Variants in ARHGAP1 observed in about 807,000 individuals in gnomAD.
The protein encoded by ARHGAP1 is Rho GTPase activating protein 1.
In ARHGAP1, 23 loss-of-function variants were observed where a neutral mutation model predicts 52.2. That is an observed-to-expected ratio of 0.44 (90% CI 0.32 to 0.62). The LOEUF (loss-of-function observed/expected upper bound fraction) is 0.62. Ranked by LOEUF, ARHGAP1 falls within the 20% of genes least tolerant of loss-of-function variation. The probability of loss-of-function intolerance (pLI) is 0.05; values close to 1 mark genes in which losing one functional copy is unlikely to be tolerated. For synonymous variants in ARHGAP1, 210 were observed against 228.4 expected (o/e 0.92, Z 0.73); for missense variants, 480 against 560.9 (o/e 0.86, Z 1.46).
In ARHGAP1 at chr11:46,683,195, C is replaced by T. The variant is rs551742708; in HGVS notation, c.318-1013G>A. On this transcript the variant is annotated intron_variant, in intron 4 of 12. Transcript: ENST00000311956. ...TAGGAACCGCAGGTGTGAGCCACCACACCCGGCTCTTTTTTCTACTTTTTA... is the reference window on the plus strand; with the variant it reads ...TAGGAACCGCAGGTGTGAGCCACCATACCCGGCTCTTTTTTCTACTTTTTA... 3.9e-5 allele frequency among the ~76,000 whole-genome samples: 6 copies of T among 152,190 alleles called. No homozygotes were observed. The South Asian group carries it at 1.0e-3, about 26-fold the overall frequency.
Position 46,680,560 on chromosome 11 carries a change from G to C in ARHGAP1, c.747C>G (p.Leu249=). ...NQQFGVSLQH[L]QEKNPEQEPI... ...GCTCCTGCTCTGGATTCTTCTCCTG[G>C]AGGCTGCGGGAAAAAGGCTGGTGAG... The change falls in exon 9 of 13, where the codon CTC becomes CTG. Residue 249 remains leucine, a synonymous_variant. Transcript: ENST00000311956. This position sits in a 1 kb window ranked among gnomAD's most constrained non-coding sequence, Gnocchi z 5.9. 6.2e-7 allele frequency: 1 copy of C among 1,614,078 alleles called. No individual in the cohort carries two copies. The highest frequency in any genetic ancestry group is 8.5e-7 in the Non-Finnish European group (1 of 1,179,984).
At position 46,679,781 on chromosome 11, in the gene ARHGAP1, G is replaced by A; in HGVS notation, c.899-5C>T. On this transcript the variant is annotated splice_region_variant and splice_polypyrimidine_tract_variant and intron_variant, in intron 10 of 12. Transcript: ENST00000311956. This position sits in a 1 kb window ranked among gnomAD's most constrained non-coding sequence, Gnocchi z 4.4. ...GGTCGAAATCCACAGGCAGCCCTGG[G>A]GTGGGGGCAGCGTGAGAGAAGCTCG... 1 of 1,613,150 alleles carries A rather than the reference G, an allele frequency of 6.2e-7. No homozygotes were observed. Among genetic ancestry groups the A allele is most frequent in the East Asian group, 2.2e-5 (1 of 44,886 alleles).
At chr11:46,692,719 G>A (rs1648702713) in intron 3 of ARHGAP1, among the ~76,000 whole-genome samples, 2 of 151,934 alleles carry the variant, frequency 1.3e-5, no homozygotes, top group South Asian at 4.2e-4. Context: ...AGACAGTCTC[G>A]CTCTGTCGCT....
At chr11:46,699,480 G>A (rs2064682345) in intron 1 of ARHGAP1, among the ~76,000 whole-genome samples, 1 of 151,572 alleles carries the variant, frequency 6.6e-6, no homozygotes. Flanking sequence ...CGAGGCGGGC[G>A]GATCACAAGG....
chr11:46,689,618 G>A (rs1448335904), intron 3 of ARHGAP1, among the ~76,000 whole-genome samples: 2 of 152,174 alleles, frequency 1.3e-5, no homozygotes, highest in East Asian at 3.9e-4. Flanking sequence ...TTGTCTCACT[G>A]CAACCTCCAC....
Position 46,695,630 on chromosome 11 carries a change from G to A in ARHGAP1, c.229+30C>T, listed in dbSNP as rs7925849. ...ACTTCCTGAGGCCAGGAGCTCTGAG[G>A]GTTAGGAAAATAGTGTTGGGTGTGC... On this transcript the variant is annotated intron_variant, in intron 3 of 12. Coordinates refer to ENST00000311956, the MANE Select transcript of ARHGAP1 (RefSeq NM_004308.5). 2.7e-3 allele frequency: 4,235 copies of A among 1,547,162 alleles called. 8 individuals are homozygous for A. Among genetic ancestry groups the A allele is most frequent in the Non-Finnish European group, 3.2e-3 (3,652 of 1,142,880 alleles).
intron 1 of ARHGAP1, among the ~76,000 whole-genome samples, chr11:46,698,290 G>C (rs1421488798): frequency 6.6e-6 from 1 of 152,180 alleles, no homozygotes; most frequent in Non-Finnish European, 1.5e-5. Context: ...TTGTGCTGCA[G>C]TGAACAACAG....
chr11:46,682,071 G>A lies in ARHGAP1; in HGVS notation c.429C>T (p.Ala143=). ...CCCACTTGCGGTCAAACTCCCGGTAGGCATCACGGAGCCAGCTGAGGGAGG... is the reference window on the plus strand; with the variant it reads ...CCCACTTGCGGTCAAACTCCCGGTAAGCATCACGGAGCCAGCTGAGGGAGG... ...NKPSLSWLRD[A]YREFDRKYKK... Residue 143 remains alanine (A), a synonymous_variant, in exon 5 of 13, where the codon GCC becomes GCT. Coordinates refer to ENST00000311956, the MANE Select transcript of ARHGAP1 (RefSeq NM_004308.5). 6.2e-7 allele frequency: 1 copy of A among 1,614,154 alleles called. No homozygotes were observed. Among genetic ancestry groups the A allele is most frequent in the Non-Finnish European group, 8.5e-7 (1 of 1,179,998 alleles).
At position 46,680,795 on chromosome 11, in the gene ARHGAP1, C is replaced by A; in HGVS notation, c.636-48G>T. 1 of 1,392,680 alleles carries A rather than the reference C, an allele frequency of 7.2e-7. No individual in the cohort carries two copies. The highest frequency in any genetic ancestry group is 1.4e-5 in the South Asian group (1 of 73,918). 86.3% of individuals were successfully genotyped at this position (1,392,680 alleles called of 1,614,324 possible). A position where few individuals can be genotyped will look rare whatever the true frequency, so the allele number is the denominator to read the frequency against. ...GTCAGGTCCTGCCTGGCTCTGGAGT[C>A]ACTCTGCCAATTCAATCAAGCATTG... On this transcript the variant is annotated intron_variant, in intron 7 of 12. Transcript: ENST00000311956. The surrounding 1 kb of genome is among the most constrained non-coding windows in gnomAD (Gnocchi z 5.9).
In ARHGAP1 at chr11:46,696,466, G is replaced by A. The variant is rs2064655780; in HGVS notation, c.-49-310C>T. Among the ~76,000 whole-genome samples, 1 of 152,196 alleles carries A rather than the reference G, an allele frequency of 6.6e-6. No homozygotes were observed. The highest frequency in any genetic ancestry group is 1.5e-5 in the Non-Finnish European group (1 of 68,032). On this transcript the variant is annotated intron_variant, in intron 1 of 12. Coordinates refer to ENST00000311956, the MANE Select transcript of ARHGAP1 (RefSeq NM_004308.5). This position sits in a 1 kb window ranked among gnomAD's most constrained non-coding sequence, Gnocchi z 4.8. ...CCGCCCGCCACCCAGCTGGCTCAGT[G>A]ATGCAGTCCCAGCTGTAGAGGGCAG...
chr11:46,693,552 C>T (rs2064630552), intron 3 of ARHGAP1, among the ~76,000 whole-genome samples: 3 of 152,036 alleles, frequency 2.0e-5, no homozygotes, highest in Admixed American at 2.0e-4. Flanking sequence ...ACTACAGGCA[C>T]AGGCTACCAC....
chr11:46,693,953 G>C (rs926354114), intron 3 of ARHGAP1, among the ~76,000 whole-genome samples: 1 of 152,212 alleles, frequency 6.6e-6, no homozygotes, highest in Non-Finnish European at 1.5e-5. Context: ...CACTGGGACT[G>C]AGCCAAATCT....
At chr11:46,693,556 C>T (rs1320603877) in intron 3 of ARHGAP1, among the ~76,000 whole-genome samples, 1 of 152,202 alleles carries the variant, frequency 6.6e-6, no homozygotes, top group East Asian at 1.9e-4. Flanking sequence ...CAGGCACAGG[C>T]TACCACACCT....
At position 46,682,182 on chromosome 11, in the gene ARHGAP1, C is replaced by T. The variant is rs1460158986; in HGVS notation, c.318G>A (p.Gly106=). 1 of 1,614,012 alleles carries T rather than the reference C, an allele frequency of 6.2e-7. No homozygotes were observed. Residue 106 remains glycine, a splice_region_variant and synonymous_variant, in exon 5 of 13, where the codon GGG becomes GGA. Transcript: ENST00000311956. Reference sequence around the variant, plus strand: ...ACTGGTCCAGGGTGTGCTTCAGGTACCTTCCAGGGAAAAGCCCTGCTCAGG... The same window carrying T: ...ACTGGTCCAGGGTGTGCTTCAGGTATCTTCCAGGGAAAAGCCCTGCTCAGG... ...SHQLDHSKLL[G]YLKHTLDQYV...
chr11:46,679,639 G>T lies in ARHGAP1; in HGVS notation c.1027+9C>A, dbSNP rs375751904. On this transcript the variant is annotated intron_variant, in intron 11 of 12. Transcript: ENST00000311956. The surrounding 1 kb of genome is among the most constrained non-coding windows in gnomAD (Gnocchi z 4.4). Reference sequence around the variant, plus strand: ...AGCCCCAGGCCCAACAGAAGAGATGGGGACTCACTGAGGAAGCCCACCACA... The same window carrying T: ...AGCCCCAGGCCCAACAGAAGAGATGTGGACTCACTGAGGAAGCCCACCACA... The T allele has an allele frequency of 1.2e-6, 2 of 1,613,828 alleles. No homozygotes were observed. Among genetic ancestry groups the T allele is most frequent in the Non-Finnish European group, 1.7e-6 (2 of 1,179,976 alleles).
chr11:46,687,103 A>G (rs1446263073), intron 4 of ARHGAP1: 1 of 152,266 alleles, frequency 6.6e-6, no homozygotes, highest in Admixed American at 6.5e-5. Context: ...GGAGGCTGTC[A>G]CCTGGTACAT....
Position 46,678,841 on chromosome 11 carries a change from G to A in ARHGAP1, c.*196C>T, listed in dbSNP as rs2064500838. ...GGTGTCCAGAGAGGCAGTGAGAAGT[G>A]TAAGGCAGAGAAAAACGTCTTCTGG... is the stretch of plus-strand genomic sequence containing the variant. On this transcript the variant is annotated 3_prime_UTR_variant, in exon 13 of 13. Coordinates refer to ENST00000311956, the MANE Select transcript of ARHGAP1 (RefSeq NM_004308.5). 1 of 631,372 alleles carries A rather than the reference G, an allele frequency of 1.6e-6. No homozygotes were observed. The highest frequency in any genetic ancestry group is 2.7e-6 in the Non-Finnish European group (1 of 366,494). The allele number at this position is 631,372 out of a possible 1,614,324, so 39.1% of individuals were successfully genotyped here.
Position 46,696,659 on chromosome 11 carries a change from A to G in ARHGAP1, c.-49-503T>C, listed in dbSNP as rs1235992237. Among the ~76,000 whole-genome samples the G allele has an allele frequency of 2.6e-5, 4 of 152,204 alleles. No individual in the cohort carries two copies. Among genetic ancestry groups the G allele is most frequent in the Non-Finnish European group, 5.9e-5 (4 of 68,034 alleles). Reference sequence around the variant, plus strand: ...CGAGGCAGGCGGATCACCTGAGGTCAGGAGTTCAAGACTAGCCTGGCCAGC... The same window carrying G: ...CGAGGCAGGCGGATCACCTGAGGTCGGGAGTTCAAGACTAGCCTGGCCAGC... On this transcript the variant is annotated intron_variant, in intron 1 of 12. Coordinates refer to ENST00000311956, the MANE Select transcript of ARHGAP1 (RefSeq NM_004308.5). The surrounding 1 kb of genome is among the most constrained non-coding windows in gnomAD (Gnocchi z 4.8).
At position 46,679,467 on chromosome 11, in the gene ARHGAP1, G is replaced by A. The variant is rs768735129; in HGVS notation, c.1029C>T (p.Asn343=). 2.2e-5 allele frequency: 35 copies of A among 1,613,832 alleles called. No individual in the cohort carries two copies. The highest frequency in any genetic ancestry group is 2.8e-5 in the Non-Finnish European group (33 of 1,179,896). ...DLYPHVVGFL[N]IDESQRVPAT... ...CTGGCACCCTCTGGCTTTCATCAAT[G>A]TCTATGAGGAAAGGAGGCCCGGGTT... The change falls in exon 12 of 13, where the codon AAC becomes AAT. Residue 343 remains asparagine (N), a splice_region_variant and synonymous_variant. Coordinates refer to ENST00000311956, the MANE Select transcript of ARHGAP1 (RefSeq NM_004308.5). This position sits in a 1 kb window ranked among gnomAD's most constrained non-coding sequence, Gnocchi z 4.4.
Sources: allele counts gnomAD v4.1 joint callset (sites outside exome capture counted in the v4.1 genomes callset), GRCh38; gene constraint gnomAD v4.1.1; non-coding constraint Gnocchi (gnomAD v3.1); transcripts MANE v1.5; gene names NCBI Gene and HGNC (gene_info 2026-07-23, HGNC 2026-07-21).